Variants in C14orf132 observed in about 807,000 individuals in gnomAD.
C14orf132 encodes uncharacterized protein C14orf132.
A neutral mutation model predicts 5.8 loss-of-function variants in C14orf132; 6 were observed. The ratio of observed to expected loss-of-function variants is 1.03; its 90% CI spans 0.57 to 2.04. The LOEUF (loss-of-function observed/expected upper bound fraction) is 2.04, where lower values mean the gene tolerates loss of function less well. Ranked by LOEUF, C14orf132 falls within the 30% of genes most tolerant of loss-of-function variation. The pLI, the probability that C14orf132 is intolerant of heterozygous loss-of-function variation, is 0.00. For synonymous variants in C14orf132, 51 were observed against 49.8 expected (o/e 1.02, Z -0.10); for missense variants, 125 against 115.8 (o/e 1.08, Z -0.37).
chr14:96,078,929 C>G (rs1029641441), intron 1 of C14orf132, among the ~76,000 whole-genome samples: 1 of 152,270 alleles, frequency 6.6e-6, no homozygotes, highest in Non-Finnish European at 1.5e-5. Flanking sequence ...CTCTGTGGGG[C>G]TTCAGCCCTC....
chr14:96,069,022 C>A (rs1214889889), intron 1 of C14orf132, among the ~76,000 whole-genome samples: 1 of 151,676 alleles, frequency 6.6e-6, no homozygotes, highest in Non-Finnish European at 1.5e-5. Context: ...GGGTTTTACC[C>A]CCTCAGCTCC....
chr14:96,057,238 G>A (rs55679026), intron 1 of C14orf132, among the ~76,000 whole-genome samples: 16,248 of 152,202 alleles, frequency 0.11, 1,034 homozygotes, highest in Middle Eastern at 0.2. Context: ...GCCTTGAGGC[G>A]GTGAATGCAC....
In C14orf132 at chr14:96,059,079, T is replaced by C. The variant is rs549647878; in HGVS notation, c.27+19552T>C. ...GAGTTCAAGACCAGCCTGTGCAACA[T>C]AGTGAGACTCTGTCTCTACAAAAAC... is the stretch of plus-strand genomic sequence containing the variant. On this transcript the variant is annotated intron_variant, in intron 1 of 1. Transcript: ENST00000555004. Among the ~76,000 whole-genome samples, 6 of 152,276 alleles carry C rather than the reference T, an allele frequency of 3.9e-5. No individual in the cohort carries two copies. In the East Asian group the frequency reaches 7.7e-4, roughly 20 times the overall value.
rs1483079474 is a variant in C14orf132 at position 96,086,869 on chromosome 14, C to T, written c.*134C>T. The T allele has an allele frequency of 3.6e-6, 3 of 831,928 alleles. No homozygotes were observed. The highest frequency in any genetic ancestry group is 5.5e-6 in the Non-Finnish European group (3 of 542,962). 51.5% of individuals were successfully genotyped at this position (831,928 alleles called of 1,614,324 possible). Reference sequence around the variant, plus strand: ...CGGCGGCCGTCCTTCTGGAATTTCTCCCCAGCAGCCCTGATTTCAAATATC... The same window carrying T: ...CGGCGGCCGTCCTTCTGGAATTTCTTCCCAGCAGCCCTGATTTCAAATATC... On this transcript the variant is annotated 3_prime_UTR_variant, in exon 2 of 2. Transcript: ENST00000555004.
chr14:96,043,809 C>A (rs573508607), intron 1 of C14orf132, among the ~76,000 whole-genome samples: 9 of 152,338 alleles, frequency 5.9e-5, no homozygotes, highest in Non-Finnish European at 1.2e-4. Context: ...AGTCACCTAA[C>A]ACAGTATCGA....
chr14:96,066,766 A>G lies in C14orf132; in HGVS notation c.28-19745A>G, dbSNP rs1887543153. On this transcript the variant is annotated intron_variant, in intron 1 of 1. Transcript: ENST00000555004. ...ACATCTAACTATAAGATAATGTAAC[A>G]TAACATAATATATTGTAATGTAATA... is the stretch of plus-strand genomic sequence containing the variant. 2.6e-5 allele frequency among the ~76,000 whole-genome samples: 4 copies of G among 152,334 alleles called. No homozygotes were observed. In the South Asian group the frequency reaches 8.3e-4, roughly 32 times the overall value.
chr14:96,057,998 T>G (rs1175298759), intron 1 of C14orf132, among the ~76,000 whole-genome samples: 1 of 152,200 alleles, frequency 6.6e-6, no homozygotes, highest in Non-Finnish European at 1.5e-5. Context: ...TGTGCTGGGC[T>G]CTCCGTTGAA....
chr14:96,085,941 C>CTCTCTG (rs1469192416), intron 1 of C14orf132, among the ~76,000 whole-genome samples: 1 of 150,530 alleles, frequency 6.6e-6, no homozygotes, highest in Non-Finnish European at 1.5e-5. Context: ...AATGTGTTTT[C>CTCTCTG]TCTCTGTCTC....
chr14:96,053,904 G>A lies in C14orf132; in HGVS notation c.27+14377G>A, dbSNP rs192476077. On this transcript the variant is annotated intron_variant, in intron 1 of 1. Coordinates refer to ENST00000555004, the MANE Select transcript of C14orf132 (RefSeq NM_001252507.3). ...CCAGCAGAACACTAAAGCGTCTGTC[G>A]CATCTCTCTCTTTACCCATCTGTCT... Among the ~76,000 whole-genome samples the A allele has an allele frequency of 8.9e-4, 135 of 152,244 alleles. 1 individual carries two copies. The highest frequency in any genetic ancestry group is 3.1e-3 in the African/African-American group (128 of 41,552).
In C14orf132 at chr14:96,039,518, G is replaced by C. The variant is rs1202693070; in HGVS notation, c.18G>C (p.Met6Ile). Residue 6 changes from methionine (M) to isoleucine (I), a missense_variant, in exon 1 of 2, where the codon ATG becomes ATC. Coordinates refer to ENST00000555004, the MANE Select transcript of C14orf132 (RefSeq NM_001252507.3). The surrounding 1 kb of genome is among the most constrained non-coding windows in gnomAD (Gnocchi z 5.3). MDLSF[M>I]AAQLPMMGGA... is the part of the protein sequence containing the mutation. The stretch of plus-strand genomic sequence containing the variant: ...GCGACACCATGGATCTCTCCTTTAT[G>C]GCCGCGCAGGTAACGGGGCGTCCCC... 6.7e-7 allele frequency: 1 copy of C among 1,502,762 alleles called. No individual in the cohort carries two copies. Among genetic ancestry groups the C allele is most frequent in the Non-Finnish European group, 8.9e-7 (1 of 1,129,798 alleles). 93.1% of individuals were successfully genotyped at this position (1,502,762 alleles called of 1,614,324 possible).
chr14:96,085,997 C>G (rs895817990), intron 1 of C14orf132, among the ~76,000 whole-genome samples: 1 of 151,994 alleles, frequency 6.6e-6, no homozygotes, highest in Non-Finnish European at 1.5e-5. Context: ...GTCACACACA[C>G]ACACACACAC....
intron 1 of C14orf132, among the ~76,000 whole-genome samples, chr14:96,061,909 T>C (rs1259717316): frequency 7.2e-5 from 11 of 152,100 alleles, no homozygotes; most frequent in Non-Finnish European, 1.6e-4. Context: ...ACCCTCTCTC[T>C]AAAAATAAAT....
In C14orf132 at chr14:96,091,269, A is replaced by C; in HGVS notation, c.*4534A>C. On this transcript the variant is annotated 3_prime_UTR_variant, in exon 2 of 2. Transcript: ENST00000555004. ...ATTTGGTCCTGAAGAGCTTATAGCCAGATTGCCACATTCAAGTGTAAGTCC... is the reference window on the plus strand; with the variant it reads ...ATTTGGTCCTGAAGAGCTTATAGCCCGATTGCCACATTCAAGTGTAAGTCC... 2.9e-6 allele frequency: 1 copy of C among 345,434 alleles called. No individual in the cohort carries two copies. Among genetic ancestry groups the C allele is most frequent in the Non-Finnish European group, 5.6e-6 (1 of 177,180 alleles). The allele number at this position is 345,434 out of a possible 1,614,324, so 21.4% of individuals were successfully genotyped here.
intron 1 of C14orf132, among the ~76,000 whole-genome samples, chr14:96,053,133 AG>A (rs1887076983): frequency 6.6e-6 from 1 of 152,274 alleles, no homozygotes; most frequent in South Asian, 2.1e-4. Flanking sequence ...AAAAGCCCAG[AG>A]GCTTTTTGGA....
intron 1 of C14orf132, among the ~76,000 whole-genome samples, chr14:96,070,252 A>G (rs1230867273): frequency 1.3e-5 from 2 of 152,034 alleles, no homozygotes; most frequent in African/African-American, 2.4e-5. Flanking sequence ...CTAGAGTCCT[A>G]CGTTCTTTAC....
chr14:96,076,497 C>T (rs529385170), intron 1 of C14orf132, among the ~76,000 whole-genome samples: 231 of 152,142 alleles, frequency 1.5e-3, no homozygotes, highest in Non-Finnish European at 2.6e-3. Flanking sequence ...TTCCTAATTT[C>T]TTAAGGTATA....
At chr14:96,058,357 T>C (rs749344375) in intron 1 of C14orf132, among the ~76,000 whole-genome samples, 3 of 152,102 alleles carry the variant, frequency 2.0e-5, no homozygotes, top group Admixed American at 6.6e-5. Flanking sequence ...CTACCTCCCC[T>C]CTTCCCTAAC....
intron 1 of C14orf132, among the ~76,000 whole-genome samples, chr14:96,047,976 T>G (rs1184101903): frequency 1.3e-5 from 2 of 152,110 alleles, no homozygotes; most frequent in Non-Finnish European, 2.9e-5. Context: ...TCACCTGATG[T>G]CAGGAGTTTG....
rs960328232 is a variant in C14orf132 at position 96,091,759 on chromosome 14, C to G, written c.*5024C>G. 18 of 146,230 alleles carry G rather than the reference C, an allele frequency of 1.2e-4. No homozygotes were observed. The highest frequency in any genetic ancestry group is 4.5e-4 in the African/African-American group (18 of 39,766). 9.1% of individuals were successfully genotyped at this position (146,230 alleles called of 1,614,324 possible). A position where few individuals can be genotyped will look rare whatever the true frequency, so the allele number is the denominator to read the frequency against. On this transcript the variant is annotated 3_prime_UTR_variant, in exon 2 of 2. Coordinates refer to ENST00000555004, the MANE Select transcript of C14orf132 (RefSeq NM_001252507.3). ...CCTGGCCCACTCCACAGGCCCCTGA[C>G]CATGGTCACTCACGGAGAGGGATGG...
Sources: allele counts gnomAD v4.1 joint callset (sites outside exome capture counted in the v4.1 genomes callset), GRCh38; gene constraint gnomAD v4.1.1; non-coding constraint Gnocchi (gnomAD v3.1); transcripts MANE v1.5; gene names NCBI Gene and HGNC (gene_info 2026-07-23, HGNC 2026-07-21).